The following RASGRF2 variants were observed in gnomAD, a reference collection of about 807,000 sequenced individuals.
RASGRF2 encodes Ras protein specific guanine nucleotide releasing factor 2.
In RASGRF2, 76 loss-of-function variants were observed where a neutral mutation model predicts 151.0. The ratio of observed to expected loss-of-function variants is 0.50; its 90% CI spans 0.42 to 0.61. RASGRF2 has a LOEUF of 0.61. Among genes scored for constraint, RASGRF2 ranks in the 20% least tolerant of loss-of-function variants. The pLI is 0.00. For missense variants in RASGRF2, 1,148 were observed against 1,564.6 expected, an observed-to-expected ratio of 0.73 and a Z score of 4.49; for synonymous variants, 504 against 566.5, an observed-to-expected ratio of 0.89 and a Z score of 1.57.
chr5:81,113,383 A>G (rs1580327616), intron 14 of RASGRF2, 155 bp from the exon 15 acceptor site: 8 of 848,912 alleles, frequency 9.4e-6, no homozygotes, highest in African/African-American at 1.7e-5. Context: ...TGGCAGGTGG[A>G]GGGTATACAT....
intron 1 of RASGRF2, among the ~76,000 whole-genome samples, chr5:81,000,672 T>C (rs1179734235): frequency 6.6e-6 from 1 of 152,230 alleles, no homozygotes; most frequent in Non-Finnish European, 1.5e-5. Context: ...TACCCAATGC[T>C]GGTGTTTGTC....
intron 18 of RASGRF2, chr5:81,183,337 A>G: frequency 2.1e-6 from 2 of 974,724 alleles, no homozygotes; most frequent in Non-Finnish European, 2.4e-6. Flanking sequence ...ACATTGGCAG[A>G]TACTACCTTG....
chr5:80,991,813 C>T (rs1230609557), intron 1 of RASGRF2, among the ~76,000 whole-genome samples: 1 of 152,182 alleles, frequency 6.6e-6, no homozygotes. Flanking sequence ...GCACCTGTAG[C>T]TTACGTAAAC....
At chr5:81,106,211 CT>C (rs1169923148) in intron 12 of RASGRF2, among the ~76,000 whole-genome samples, 9 of 152,002 alleles carry the variant, frequency 5.9e-5, no homozygotes, top group East Asian at 1.9e-4. Flanking sequence ...TTGATTTTAC[CT>C]TGTTTTTTTC....
At chr5:81,023,180 G>A (rs1749891752) in intron 1 of RASGRF2, among the ~76,000 whole-genome samples, 1 of 152,174 alleles carries the variant, frequency 6.6e-6, no homozygotes, top group Admixed American at 6.5e-5. Context: ...CTGGTGCCTG[G>A]GAGAGAATCT....
At chr5:81,221,445 T>G (rs1456736383) in intron 26 of RASGRF2, among the ~76,000 whole-genome samples, 1 of 152,238 alleles carries the variant, frequency 6.6e-6, no homozygotes. Context: ...TTGCTGAAAC[T>G]GTTCCAAGCT....
At chr5:80,991,946 G>A (rs1392441756) in intron 1 of RASGRF2, among the ~76,000 whole-genome samples, 2 of 152,106 alleles carry the variant, frequency 1.3e-5, no homozygotes, top group Non-Finnish European at 2.9e-5. Flanking sequence ...GAGACTGCAT[G>A]GACAAGGGAA....
intron 9 of RASGRF2, 41 bp from the exon 10 acceptor site, chr5:81,092,760 A>T: frequency 6.4e-7 from 1 of 1,570,214 alleles, no homozygotes; most frequent in Non-Finnish European, 8.7e-7. Flanking sequence ...CACTTGACAG[A>T]ATTTTAATTG....
chr5:81,013,829 C>T (rs1403398406), intron 1 of RASGRF2, among the ~76,000 whole-genome samples: 3 of 152,078 alleles, frequency 2.0e-5, no homozygotes, highest in South Asian at 2.1e-4. Flanking sequence ...AGTGTTGTAT[C>T]GGTGTTCCCA....
rs116402923 is a variant in RASGRF2, at chr5:81,060,223, G to A, written c.396-7809G>A. Among the ~76,000 whole-genome samples the A allele has an allele frequency of 4.1e-3, 629 of 152,240 alleles. 9 individuals carry two copies. Among genetic ancestry groups the A allele is most frequent in the African/African-American group, 0.014 (602 of 41,542 alleles). Reference sequence around the variant, plus strand: ...GATTACATCTCAATGTGAGATTTGGGTGTGACACAGATCTAAACCATACCA... The same window carrying A: ...GATTACATCTCAATGTGAGATTTGGATGTGACACAGATCTAAACCATACCA... On this transcript the variant is annotated intron_variant, in intron 2 of 26. Transcript: ENST00000265080.
intron 15 of RASGRF2, among the ~76,000 whole-genome samples, chr5:81,118,231 C>T (rs1166198842): frequency 6.6e-6 from 1 of 152,244 alleles, no homozygotes; most frequent in African/African-American, 2.4e-5. Context: ...TCTGCAGCAT[C>T]CTTTGAAATC....
chr5:81,180,231 A>G lies in RASGRF2; in HGVS notation c.2743A>G (p.Thr915Ala). Residue 915 changes from threonine (T) to alanine (A), a missense_variant, in exon 18 of 27, where the codon ACC becomes GCC. Thr to Ala is a moderately conservative substitution (Grantham distance 58). Around this residue, in one of 5 missense-constraint regions of RASGRF2, gnomAD observed 646 missense variants for 807.4 expected, o/e 0.80. Coordinates refer to ENST00000265080, the MANE Select transcript of RASGRF2 (RefSeq NM_006909.3). ...AGAGTTTATTATACGGAGAACGGCT[A>G]CCAATCGAGTTCTGAACGTCCTCCG... ...DKEFIIRRTATNRVLNVLRHW... is the reference protein window; with the variant it reads ...DKEFIIRRTAANRVLNVLRHW... The G allele has an allele frequency of 1.2e-6, 2 of 1,613,366 alleles. No individual in the cohort carries two copies. Among genetic ancestry groups the G allele is most frequent in the South Asian group, 1.1e-5 (1 of 91,050 alleles).
intron 17 of RASGRF2, among the ~76,000 whole-genome samples, chr5:81,179,795 G>A (rs934959323): frequency 3.9e-5 from 6 of 152,140 alleles, no homozygotes; most frequent in East Asian, 1.9e-4. Context: ...AAATGTTATC[G>A]GTTGTGCAGT....
chr5:81,090,662 A>G (rs1752364052), intron 9 of RASGRF2, among the ~76,000 whole-genome samples: 1 of 152,108 alleles, frequency 6.6e-6, no homozygotes, highest in Non-Finnish European at 1.5e-5. Flanking sequence ...AAGGTAAACA[A>G]TTATAGATTA....
At chr5:81,125,702 CT>C (rs1455282478) in intron 16 of RASGRF2, among the ~76,000 whole-genome samples, 1 of 152,198 alleles carries the variant, frequency 6.6e-6, no homozygotes, top group South Asian at 2.1e-4. Flanking sequence ...ACTTTATATT[CT>C]CTTTTCATAT....
Position 81,225,690 on chromosome 5 carries a change from T to C in RASGRF2, c.3634T>C (p.Leu1212=). 6.2e-7 allele frequency: 1 copy of C among 1,613,098 alleles called. No homozygotes were observed. ...IDHQPKVAQY[L]LDKDLIIDED... ...CCTTTTTTTTCAGGTCGCACAGTACTTGCTTGACAAAGACCTTATCATAGA... is the reference window on the plus strand; with the variant it reads ...CCTTTTTTTTCAGGTCGCACAGTACCTGCTTGACAAAGACCTTATCATAGA... Residue 1212 remains leucine, a synonymous_variant, in exon 27 of 27, where the codon TTG becomes CTG. Transcript: ENST00000265080.
At chr5:81,142,594 T>A (rs1753910021) in intron 17 of RASGRF2, among the ~76,000 whole-genome samples, 1 of 152,196 alleles carries the variant, frequency 6.6e-6, no homozygotes, top group Admixed American at 6.5e-5. Flanking sequence ...TCATCTCCTC[T>A]TTTTCTGTAT....
At chr5:81,216,828 C>A in intron 24 of RASGRF2, 2 of 290,118 alleles carry the variant, frequency 6.9e-6, no homozygotes, top group Non-Finnish European at 1.4e-5. Context: ...CTCTAAAAAC[C>A]AAACAAAACA....
intron 2 of RASGRF2, among the ~76,000 whole-genome samples, chr5:81,062,373 A>G (rs906860353): frequency 2.0e-5 from 3 of 152,228 alleles, no homozygotes; most frequent in African/African-American, 7.2e-5. Flanking sequence ...ACTTAAAATA[A>G]TATAATTAAA....
Sources: allele counts gnomAD v4.1 joint callset (sites outside exome capture counted in the v4.1 genomes callset), GRCh38; gene constraint gnomAD v4.1.1; regional missense constraint gnomAD v4.1.1; transcripts MANE v1.5; gene names NCBI Gene and HGNC (gene_info 2026-07-23, HGNC 2026-07-21).